The following LGR6 variants were observed in gnomAD, a reference collection of about 807,000 sequenced individuals.
LGR6 encodes the protein leucine-rich repeat-containing G protein-coupled receptor 6.
Under a neutral mutation model 69.4 loss-of-function variants are expected in LGR6, and 45 were observed. That is an observed-to-expected ratio of 0.65 (90% CI 0.51 to 0.83). The LOEUF is 0.83. Ranked by LOEUF, LGR6 falls within the 40% of genes least tolerant of loss-of-function variation. LGR6 has a pLI of 0.00. For missense variants in LGR6, 1,108 were observed against 1,246.7 expected, an observed-to-expected ratio of 0.89 and a Z score of 1.68; for synonymous variants, 538 against 555.0, an observed-to-expected ratio of 0.97 and a Z score of 0.43.
chr1:202,209,045 C>A (rs1659365855), intron 1 of LGR6, among the ~76,000 whole-genome samples: 1 of 152,178 alleles, frequency 6.6e-6, no homozygotes, highest in Non-Finnish European at 1.5e-5. Context: ...AGTCATTACA[C>A]CCCACCATTT....
intron 1 of LGR6, among the ~76,000 whole-genome samples, chr1:202,216,828 A>G (rs1659817731): frequency 6.6e-6 from 1 of 152,184 alleles, no homozygotes; most frequent in African/African-American, 2.4e-5. Flanking sequence ...AAGGAGAAGC[A>G]CACACACACA....
At chr1:202,285,218 G>T (rs985295621) in intron 6 of LGR6, among the ~76,000 whole-genome samples, 14 of 152,320 alleles carry the variant, frequency 9.2e-5, no homozygotes, top group Non-Finnish European at 1.5e-4. Flanking sequence ...CTCTCTGTGT[G>T]TGTCTTTGAA....
At chr1:202,307,014 C>T (rs181579798) in intron 13 of LGR6, 75 bp downstream of exon 13, 5 of 1,287,972 alleles carry the variant, frequency 3.9e-6, no homozygotes, top group East Asian at 2.3e-5. Flanking sequence ...ATTGTCATAG[C>T]ACATGTGTAC....
At chr1:202,309,202 C>G in intron 15 of LGR6, 26 bp downstream of exon 15, 1 of 1,612,580 alleles carries the variant, frequency 6.2e-7, no homozygotes, top group Non-Finnish European at 8.5e-7. Context: ...TCCCCAACAC[C>G]TGGGTAGGCC....
At position 202,284,287 on chromosome 1, in the gene LGR6, C is replaced by T. The variant is rs148076730; in HGVS notation, c.716+3435C>T. Among the ~76,000 whole-genome samples the T allele has an allele frequency of 6.1e-3, 932 of 152,298 alleles. 6 individuals carry two copies. The highest frequency in any genetic ancestry group is 0.022 in the African/African-American group (900 of 41,558). ...AGCAGACAGGTCATGCTCCATCCTG[C>T]ATCCACAACTCCTTTCTACTTCCAC... On this transcript the variant is annotated intron_variant, in intron 6 of 17. Transcript: ENST00000367278.
At chr1:202,242,354 C>CT in intron 4 of LGR6, among the ~76,000 whole-genome samples, 1 of 152,248 alleles carries the variant, frequency 6.6e-6, no homozygotes, top group Non-Finnish European at 1.5e-5. Context: ...AAACTATAAT[C>CT]TTTAGGATCC....
chr1:202,231,309 T>C (rs761034535), intron 3 of LGR6, among the ~76,000 whole-genome samples: 1 of 152,184 alleles, frequency 6.6e-6, no homozygotes, highest in Non-Finnish European at 1.5e-5. Flanking sequence ...ATGAACTGAA[T>C]TGAACTGACC....
intron 7 of LGR6, among the ~76,000 whole-genome samples, chr1:202,298,185 C>G (rs945494995): frequency 3.9e-5 from 6 of 152,202 alleles, no homozygotes; most frequent in Non-Finnish European, 2.9e-5. Flanking sequence ...GTATATAACT[C>G]CAACCATAAC....
At chr1:202,295,639 A>G (rs1339748362) in intron 6 of LGR6, among the ~76,000 whole-genome samples, 2 of 152,226 alleles carry the variant, frequency 1.3e-5, no homozygotes, top group African/African-American at 4.8e-5. Context: ...TTCCAACTCC[A>G]GTACCTCTGG....
rs571157361 is a variant in LGR6 at position 202,200,916 on chromosome 1, G to A, written c.212+6715G>A. On this transcript the variant is annotated intron_variant, in intron 1 of 17. Transcript: ENST00000367278. ...GCAGGCCATGGGCAGGCCGGCGGCT[G>A]GCGGGTTGGAGGGGAGCTGGGCCCG... 2.6e-5 allele frequency among the ~76,000 whole-genome samples: 4 copies of A among 152,324 alleles called. No homozygotes were observed. In the East Asian group the frequency reaches 7.7e-4, roughly 29 times the overall value.
intron 4 of LGR6, among the ~76,000 whole-genome samples, chr1:202,270,684 A>G (rs1227864268): frequency 7.2e-5 from 11 of 152,274 alleles, no homozygotes; most frequent in African/African-American, 2.2e-4. Context: ...AGTGTACGCT[A>G]TTGTCCTGGG....
At chr1:202,276,106 A>G (rs1321886006) in intron 4 of LGR6, among the ~76,000 whole-genome samples, 200 bp from the exon 5 acceptor site, 1 of 152,220 alleles carries the variant, frequency 6.6e-6, no homozygotes, top group Non-Finnish European at 1.5e-5. Context: ...AACAACAACA[A>G]AAAAAGAACT....
chr1:202,213,486 G>A (rs1284102056), intron 1 of LGR6, among the ~76,000 whole-genome samples: 1 of 152,166 alleles, frequency 6.6e-6, no homozygotes, highest in Non-Finnish European at 1.5e-5. Context: ...GAGGCAGGTG[G>A]CACTCACTTG....
In LGR6 at chr1:202,276,375, C is replaced by T; in HGVS notation, c.498C>T (p.His166=). The T allele has an allele frequency of 6.2e-7, 1 of 1,614,220 alleles. No individual in the cohort carries two copies. The highest frequency in any genetic ancestry group is 8.5e-7 in the Non-Finnish European group (1 of 1,180,030). The change falls in exon 5 of 18, where the codon CAC becomes CAT. Residue 166 remains histidine, a synonymous_variant. Transcript: ENST00000367278. ...RSFEGLSSLR[H]LWLDDNALTE... ...TTGAGGGGCTGTCCTCCCTCCGCCACCTCTGGCTGGACGACAATGCACTCA... is the reference window on the plus strand; with the variant it reads ...TTGAGGGGCTGTCCTCCCTCCGCCATCTCTGGCTGGACGACAATGCACTCA...
At chr1:202,308,207 C>A (rs988773862) in intron 14 of LGR6, among the ~76,000 whole-genome samples, 1 of 152,246 alleles carries the variant, frequency 6.6e-6, no homozygotes, top group African/African-American at 2.4e-5. Context: ...TCCCAGCAGG[C>A]ACACACATTC....
At position 202,310,340 on chromosome 1, in the gene LGR6, G is replaced by C; in HGVS notation, c.1550G>C (p.Arg517Thr). ...AAAAGGCCCCTGGGCCTCCTTGCCA[G>C]ACAAGCAGAGAACCACTGTGAGTGA... ...SSKRPLGLLARQAENHYDQDL... is the reference protein window; with the variant it reads ...SSKRPLGLLATQAENHYDQDL... The change falls in exon 16 of 18, where the codon AGA becomes ACA. Residue 517 changes from arginine (R) to threonine (T), a missense_variant. Transcript: ENST00000367278. The C allele has an allele frequency of 1.2e-6, 2 of 1,613,778 alleles. No homozygotes were observed. Among genetic ancestry groups the C allele is most frequent in the Non-Finnish European group, 8.5e-7 (1 of 1,179,978 alleles).
At chr1:202,263,447 G>GT (rs1047405748) in intron 4 of LGR6, among the ~76,000 whole-genome samples, 1 of 152,100 alleles carries the variant, frequency 6.6e-6, no homozygotes, top group African/African-American at 2.4e-5. Flanking sequence ...TTGTTTGTTT[G>GT]TTTTTTCTCT....
intron 4 of LGR6, among the ~76,000 whole-genome samples, chr1:202,263,962 A>T (rs923947055): frequency 6.6e-6 from 1 of 152,354 alleles, no homozygotes; most frequent in Middle Eastern, 3.4e-3. Flanking sequence ...GATAATTCTG[A>T]GCAAGAGAAA....
At chr1:202,211,667 T>G (rs1271342947) in intron 1 of LGR6, among the ~76,000 whole-genome samples, 1 of 152,222 alleles carries the variant, frequency 6.6e-6, no homozygotes, top group Non-Finnish European at 1.5e-5. Context: ...GGCCCAGAGT[T>G]TGTTTTTTTA....
Sources: gnomAD v4.1 joint callset for allele counts (sites outside exome capture counted in the v4.1 genomes callset) on GRCh38, gnomAD v4.1.1 for gene constraint, MANE v1.5 for transcripts, NCBI Gene and HGNC (gene_info 2026-07-23, HGNC 2026-07-21) for gene names.